DNAJC6: variants seen among roughly 807,000 people sequenced by gnomAD.
DNAJC6 encodes DnaJ heat shock protein family (Hsp40) member C6.
In DNAJC6, 34 loss-of-function variants were observed where a neutral mutation model predicts 110.0. The observed-to-expected ratio is 0.31, with a 90% confidence interval of 0.24 to 0.41. The LOEUF is 0.41. Among genes scored for constraint, DNAJC6 ranks in the 10% least tolerant of loss-of-function variants. The pLI, the probability that DNAJC6 is intolerant of heterozygous loss-of-function variation, is 1.00. For missense variants in DNAJC6, 1,031 were observed against 1,207.8 expected, an observed-to-expected ratio of 0.85 and a Z score of 2.17; for synonymous variants, 406 against 437.2, an observed-to-expected ratio of 0.93 and a Z score of 0.89.
chr1:65,283,584 T>G (rs1160709702), intron 1 of DNAJC6, among the ~76,000 whole-genome samples: 3 of 152,226 alleles, frequency 2.0e-5, no homozygotes, highest in Non-Finnish European at 4.4e-5. Context: ...TTTCCAATTC[T>G]TAGCTACTAG....
At chr1:65,385,236 G>T (rs1645859753) in intron 6 of DNAJC6, among the ~76,000 whole-genome samples, 1 of 152,104 alleles carries the variant, frequency 6.6e-6, no homozygotes, top group African/African-American at 2.4e-5. Context: ...GATTACAAAA[G>T]ATAATCTGAA....
Position 65,309,906 on chromosome 1 carries a change from C to T in DNAJC6, c.161C>T (p.Pro54Leu). Reference sequence around the variant, plus strand: ...GCGGCGCGGAGTCCCGCCCGACAGCCTCCGGACCGCGCCAGCACCATGGAC... The same window carrying T: ...GCGGCGCGGAGTCCCGCCCGACAGCTTCCGGACCGCGCCAGCACCATGGAC... The part of the protein sequence containing the change: ...GAAARSPARQ[P>L]PDRASTMDSS... Residue 54 changes from proline to leucine, a missense_variant, in exon 1 of 19, where the codon CCT becomes CTT. Pro to Leu is a moderately conservative substitution (Grantham distance 98, BLOSUM62 -3). Coordinates refer to ENST00000371069, the MANE Select transcript of DNAJC6 (RefSeq NM_001256864.2). The T allele has an allele frequency of 1.3e-6, 2 of 1,537,418 alleles. No individual in the cohort carries two copies. Among genetic ancestry groups the T allele is most frequent in the South Asian group, 1.2e-5 (1 of 82,842 alleles).
intron 1 of DNAJC6, among the ~76,000 whole-genome samples, chr1:65,302,992 C>A (rs368934294): frequency 6.6e-6 from 1 of 152,146 alleles, no homozygotes; most frequent in African/African-American, 2.4e-5. Flanking sequence ...TACCCAGTCT[C>A]CTGTATTCTA....
intron 1 of DNAJC6, among the ~76,000 whole-genome samples, chr1:65,294,173 C>T (rs1644906346): frequency 6.6e-6 from 1 of 152,190 alleles, no homozygotes; most frequent in African/African-American, 2.4e-5. Context: ...GACTTGTGAA[C>T]TATAACAGAA....
chr1:65,392,638 T>C lies in DNAJC6; in HGVS notation c.1676T>C (p.Leu559Pro). 6.2e-7 allele frequency: 1 copy of C among 1,613,626 alleles called. No individual in the cohort carries two copies. The highest frequency in any genetic ancestry group is 1.1e-5 in the South Asian group (1 of 90,970). Residue 559 changes from leucine to proline, a missense_variant, in exon 12 of 19, where the codon CTG becomes CCG. Physicochemically the swap from Leu to Pro is moderately conservative, Grantham distance 98. Coordinates refer to ENST00000371069, the MANE Select transcript of DNAJC6 (RefSeq NM_001256864.2). ...PPPEDVDLLGLEGSAMSNSFS... is the reference protein window; with the variant it reads ...PPPEDVDLLGPEGSAMSNSFS... ...CCTGAGGATGTGGACCTTTTGGGCC[T>C]GGAAGGGTCTGCAATGAGTAACAGC... is the stretch of plus-strand genomic sequence containing the variant.
At chr1:65,280,878 G>C (rs1177447022) in intron 1 of DNAJC6, among the ~76,000 whole-genome samples, 1 of 151,886 alleles carries the variant, frequency 6.6e-6, no homozygotes, top group Non-Finnish European at 1.5e-5. Flanking sequence ...TTTCATATTA[G>C]GTAGATTTCC....
chr1:65,344,594 T>C lies in DNAJC6; in HGVS notation c.194-20041T>C, dbSNP rs187933522. On this transcript the variant is annotated intron_variant, in intron 1 of 18. Coordinates refer to ENST00000371069, the MANE Select transcript of DNAJC6 (RefSeq NM_001256864.2). The stretch of plus-strand genomic sequence containing the variant: ...TAGGTCTCAGGAAATTTAATCCAGC[T>C]AGCAGTGCTATGCCTAGAATTCAAT... Among the ~76,000 whole-genome samples the C allele has an allele frequency of 4.1e-4, 62 of 152,282 alleles. 1 individual carries two copies. The East Asian group carries it at 0.012, about 29-fold the overall frequency.
chr1:65,269,486 A>T (rs1297368840), intron 1 of DNAJC6, among the ~76,000 whole-genome samples: 3 of 152,200 alleles, frequency 2.0e-5, no homozygotes, highest in Non-Finnish European at 4.4e-5. Context: ...GGCTCTAAAT[A>T]TTAAAAAATA....
chr1:65,323,389 C>G (rs1335824584), intron 1 of DNAJC6, among the ~76,000 whole-genome samples: 2 of 152,156 alleles, frequency 1.3e-5, no homozygotes, highest in Admixed American at 1.3e-4. Flanking sequence ...TTCTCACTTT[C>G]TCTTTCTCCT....
upstream of DNAJC6, among the ~76,000 whole-genome samples, chr1:65,309,351 G>T (rs1645074482): frequency 6.7e-6 from 1 of 150,052 alleles, no homozygotes; most frequent in Non-Finnish European, 1.5e-5. Flanking sequence ...CAGCGGCTTT[G>T]GCGCTGCCCT....
At chr1:65,302,987 A>G (rs1401609139) in intron 1 of DNAJC6, among the ~76,000 whole-genome samples, 2 of 152,196 alleles carry the variant, frequency 1.3e-5, no homozygotes, top group South Asian at 2.1e-4. Flanking sequence ...TGAATTACCC[A>G]GTCTCCTGTA....
At position 65,376,916 on chromosome 1, in the gene DNAJC6, C is replaced by G. The variant is rs550835589; in HGVS notation, c.544-2486C>G. On this transcript the variant is annotated intron_variant, in intron 4 of 18. Transcript: ENST00000371069. ...TCCTGAGTAGCTGGGATTACTGGTG[C>G]CTGGCACCATGCCCAGCTAATTTTT... is the stretch of plus-strand genomic sequence containing the variant. Among the ~76,000 whole-genome samples, 65 of 152,228 alleles carry G rather than the reference C, an allele frequency of 4.3e-4. 1 individual carries two copies. Among genetic ancestry groups the G allele is most frequent in the Admixed American group, 4.2e-3 (64 of 15,290 alleles).
intron 4 of DNAJC6, among the ~76,000 whole-genome samples, chr1:65,376,336 A>AC (rs1328249008): frequency 1.3e-5 from 2 of 151,650 alleles, no homozygotes; most frequent in Non-Finnish European, 2.9e-5. Flanking sequence ...TTCAAAAAAA[A>AC]CAACCTTTTA....
At chr1:65,407,244 G>A (rs750957795) in intron 16 of DNAJC6, among the ~76,000 whole-genome samples, 16 of 151,916 alleles carry the variant, frequency 1.1e-4, no homozygotes, top group African/African-American at 3.4e-4. Flanking sequence ...TAGCCATCTC[G>A]GTTATCAGAT....
At chr1:65,356,417 A>G (rs1184991473) in intron 1 of DNAJC6, among the ~76,000 whole-genome samples, 1 of 151,862 alleles carries the variant, frequency 6.6e-6, no homozygotes, top group Non-Finnish European at 1.5e-5. Context: ...ACAAAAAATT[A>G]ACTGGGTGTG....
At chr1:65,377,525 A>T (rs540316925) in intron 4 of DNAJC6, among the ~76,000 whole-genome samples, 26 of 152,356 alleles carry the variant, frequency 1.7e-4, no homozygotes, top group Admixed American at 2.6e-4. Context: ...GAGCTATGCC[A>T]AACATTTCAA....
intron 1 of DNAJC6, among the ~76,000 whole-genome samples, chr1:65,299,543 C>T (rs1161899933): frequency 1.3e-5 from 2 of 152,166 alleles, no homozygotes; most frequent in African/African-American, 4.8e-5. Context: ...TGTTGAAGGA[C>T]AATGACAAAT....
chr1:65,388,373 C>T lies in DNAJC6; in HGVS notation c.1151C>T (p.Thr384Ile). 1 of 1,614,106 alleles carries T rather than the reference C, an allele frequency of 6.2e-7. No individual in the cohort carries two copies. Residue 384 changes from threonine to isoleucine, a missense_variant, in exon 9 of 19, where the codon ACT becomes ATT. Coordinates refer to ENST00000371069, the MANE Select transcript of DNAJC6 (RefSeq NM_001256864.2). Reference protein sequence around the residue: ...NTQIFQLQFHTGFIPLDTTVL... With the variant: ...NTQIFQLQFHIGFIPLDTTVL... ...CAGATATTCCAGCTTCAGTTTCACA[C>T]TGGATTCATACCACTGGACACAACA...
chr1:65,308,857 G>C (rs1645068545), upstream of DNAJC6, among the ~76,000 whole-genome samples: 1 of 152,226 alleles, frequency 6.6e-6, no homozygotes, highest in African/African-American at 2.4e-5. Flanking sequence ...GTTCTAAACA[G>C]TCACATCTGC....
Sources: allele counts gnomAD v4.1 joint callset (sites outside exome capture counted in the v4.1 genomes callset), GRCh38; gene constraint gnomAD v4.1.1; transcripts MANE v1.5; gene names NCBI Gene and HGNC (gene_info 2026-07-23, HGNC 2026-07-21).